The following ARPC1A variants were observed in gnomAD, a reference collection of about 807,000 sequenced individuals.
ARPC1A encodes actin related protein 2/3 complex subunit 1A.
In ARPC1A, 8 loss-of-function variants were observed where a neutral mutation model predicts 46.9. The ratio of observed to expected loss-of-function variants is 0.17; its 90% CI spans 0.10 to 0.31. ARPC1A has a LOEUF of 0.31. Ranked by LOEUF, ARPC1A falls within the 10% of genes least tolerant of loss-of-function variation. The pLI, the probability that ARPC1A is intolerant of heterozygous loss-of-function variation, is 1.00. For missense variants in ARPC1A, 286 were observed against 483.6 expected, an observed-to-expected ratio of 0.59 and a Z score of 3.83; for synonymous variants, 152 against 169.0, an observed-to-expected ratio of 0.90 and a Z score of 0.78.
At chr7:99,358,639 C>G in intron 7 of ARPC1A, 1 of 472,306 alleles carries the variant, frequency 2.1e-6, no homozygotes, top group Non-Finnish European at 3.8e-6. Context: ...CTCCCGGGTT[C>G]AAGCGATTCT....
Position 99,359,511 on chromosome 7 carries a change from G to A in ARPC1A, c.790-34G>A, listed in dbSNP as rs780543518. The A allele has an allele frequency of 2.5e-6, 4 of 1,609,678 alleles. No homozygotes were observed. In the Admixed American group the frequency reaches 5.0e-5, roughly 20 times the overall value. ...GCCAAGGAGGTGGGCGGTGGGCAGT[G>A]CATCCTCCAGGGACTGACTGAGTCT... On this transcript the variant is annotated intron_variant, in intron 7 of 9. Transcript: ENST00000262942.
intron 4 of ARPC1A, among the ~76,000 whole-genome samples, chr7:99,348,518 G>A (rs2150867823): frequency 6.6e-6 from 1 of 152,252 alleles, no homozygotes; most frequent in African/African-American, 2.4e-5. Flanking sequence ...ACCAGCCTGG[G>A]CAACATGGAG....
Position 99,344,375 on chromosome 7 carries a change from T to C in ARPC1A, c.252T>C (p.Gly84=). The change falls in exon 4 of 10, where the codon GGT becomes GGC. Residue 84 remains glycine, a synonymous_variant. Coordinates refer to ENST00000262942, the MANE Select transcript of ARPC1A (RefSeq NM_006409.4). ...RNAYVWSQKD[G]VWKPTLVILR... is the part of the protein sequence containing the mutation. Reference sequence around the variant, plus strand: ...CCTATGTCTGGAGTCAGAAAGATGGTGTTTGGAAGCCAACCCTGGTGATCC... The same window carrying C: ...CCTATGTCTGGAGTCAGAAAGATGGCGTTTGGAAGCCAACCCTGGTGATCC... The C allele has an allele frequency of 1.2e-6, 2 of 1,614,002 alleles. No individual in the cohort carries two copies. Among genetic ancestry groups the C allele is most frequent in the Non-Finnish European group, 1.7e-6 (2 of 1,179,878 alleles).
In ARPC1A at chr7:99,359,538, G is replaced by A. The variant is rs774352467; in HGVS notation, c.790-7G>A. ...ATCCTCCAGGGACTGACTGAGTCTT[G>A]TTTCAGGGCCATGACTGCTGCCCAA... On this transcript the variant is annotated splice_polypyrimidine_tract_variant and splice_region_variant and intron_variant, in intron 7 of 9. Coordinates refer to ENST00000262942, the MANE Select transcript of ARPC1A (RefSeq NM_006409.4). 2 of 1,613,358 alleles carry A rather than the reference G, an allele frequency of 1.2e-6. No homozygotes were observed. Among genetic ancestry groups the A allele is most frequent in the Non-Finnish European group, 1.7e-6 (2 of 1,179,832 alleles).
At chr7:99,364,983 C>T (rs991948047) in intron 9 of ARPC1A, among the ~76,000 whole-genome samples, 2 of 152,154 alleles carry the variant, frequency 1.3e-5, no homozygotes, top group African/African-American at 4.8e-5. Flanking sequence ...GAGCGGCATC[C>T]TGAGTTGCGA....
chr7:99,350,881 A>G (rs979189932), intron 5 of ARPC1A, among the ~76,000 whole-genome samples: 5 of 151,798 alleles, frequency 3.3e-5, no homozygotes, highest in Admixed American at 1.3e-4. Flanking sequence ...TCCTGGGCTC[A>G]AAGAATCCTT....
At chr7:99,354,194 C>G in intron 6 of ARPC1A, 73 bp downstream of exon 6, 1 of 1,526,128 alleles carries the variant, frequency 6.6e-7, no homozygotes, top group South Asian at 1.2e-5. Context: ...CCAGGACTGC[C>G]CTTCCTGGGG....
At chr7:99,343,821 ACACTAAAGATTATTTT>A (rs1793394356) in intron 3 of ARPC1A, among the ~76,000 whole-genome samples, 1 of 152,152 alleles carries the variant, frequency 6.6e-6, no homozygotes, top group Non-Finnish European at 1.5e-5. Flanking sequence ...CCCCCTCTTT[ACACTAAAGATTATTTT>A]TATTTACCCT....
intron 5 of ARPC1A, among the ~76,000 whole-genome samples, chr7:99,350,972 G>A (rs1438846422): frequency 6.6e-6 from 1 of 151,612 alleles, no homozygotes; most frequent in Non-Finnish European, 1.5e-5. Context: ...CAGTAACTGT[G>A]GAGAATTCCC....
chr7:99,329,551 A>G (rs1299588643), intron 1 of ARPC1A, among the ~76,000 whole-genome samples: 2 of 152,218 alleles, frequency 1.3e-5, no homozygotes, highest in Admixed American at 6.5e-5. Flanking sequence ...TGCTAGGTGC[A>G]TTCTAAATTT....
At chr7:99,359,856 G>A in intron 8 of ARPC1A, 118 bp downstream of exon 8, 2 of 1,185,496 alleles carry the variant, frequency 1.7e-6, no homozygotes, top group Non-Finnish European at 2.4e-6. Flanking sequence ...TTCTTTCAGG[G>A]ACAAGTGCAG....
rs1793138405 is a variant in ARPC1A at position 99,331,188 on chromosome 7, C to T, written c.-29-2137C>T. 2.0e-5 allele frequency among the ~76,000 whole-genome samples: 3 copies of T among 152,146 alleles called. No homozygotes were observed. In the South Asian group the frequency reaches 6.2e-4, roughly 31 times the overall value. ...CTTTGGGAGGCTGAGGCAGGTGGAT[C>T]ACTTGAGCCCAGTCAGAGCAGCCTG... On this transcript the variant is annotated intron_variant, in intron 1 of 9. Coordinates refer to ENST00000262942, the MANE Select transcript of ARPC1A (RefSeq NM_006409.4).
In ARPC1A at chr7:99,338,226, A is replaced by G. The variant is rs948572767; in HGVS notation, c.110A>G (p.Lys37Arg). Residue 37 changes from lysine to arginine, a missense_variant, in exon 3 of 10, where the codon AAG (lysine) becomes AGG (arginine). Coordinates refer to ENST00000262942, the MANE Select transcript of ARPC1A (RefSeq NM_006409.4). ...PNNHEVHIYK[K>R]NGSQWVKAHE... ...AATCACGAAGTGCACATCTATAAGA[A>G]GAACGGGAGCCAGTGGGTGAAAGCT... is the stretch of plus-strand genomic sequence containing the variant. 7 of 1,613,520 alleles carry G rather than the reference A, an allele frequency of 4.3e-6. No homozygotes were observed. Among genetic ancestry groups the G allele is most frequent in the Non-Finnish European group, 5.9e-6 (7 of 1,179,774 alleles).
In ARPC1A at chr7:99,363,632, A is replaced by C; in HGVS notation, c.1073A>C (p.Lys358Thr). The C allele has an allele frequency of 6.2e-7, 1 of 1,605,230 alleles. No individual in the cohort carries two copies. The highest frequency in any genetic ancestry group is 8.5e-7 in the Non-Finnish European group (1 of 1,177,366). The change falls in exon 9 of 10, where the codon AAG becomes ACG. Residue 358 changes from lysine to threonine, a missense_variant and splice_region_variant. By Grantham distance (78) the Lys-to-Thr change is moderately conservative. Coordinates refer to ENST00000262942, the MANE Select transcript of ARPC1A (RefSeq NM_006409.4). ...GGAGCCATGACAATTTGGGATTTCA[A>C]GGTATTTTCTACCTAACAGAACAAA... ...IDGAMTIWDF[K>T]TLESSIQGLR...
chr7:99,355,976 G>T (rs1182890467), intron 6 of ARPC1A, among the ~76,000 whole-genome samples: 1 of 152,168 alleles, frequency 6.6e-6, no homozygotes, highest in Admixed American at 6.6e-5. Context: ...TGGCGTGTCT[G>T]TTCAGCCATA....
At chr7:99,342,865 C>G (rs920133849) in intron 3 of ARPC1A, among the ~76,000 whole-genome samples, 2 of 151,534 alleles carry the variant, frequency 1.3e-5, no homozygotes, top group Non-Finnish European at 1.5e-5. Flanking sequence ...TGGGACTACA[C>G]GCGCCTGTCA....
At chr7:99,358,225 G>GT (rs2150873066) in intron 6 of ARPC1A, 115 bp from the exon 7 acceptor site, 1 of 968,992 alleles carries the variant, frequency 1.0e-6, no homozygotes, top group East Asian at 2.5e-5. Flanking sequence ...TTCAACATAA[G>GT]TGCCCATTGA....
chr7:99,364,375 C>T (rs1385707866), intron 9 of ARPC1A, among the ~76,000 whole-genome samples: 8 of 150,650 alleles, frequency 5.3e-5, no homozygotes, highest in African/African-American at 1.2e-4. Context: ...GGGGTTCAAG[C>T]GATTCTCCTG....
intron 3 of ARPC1A, among the ~76,000 whole-genome samples, 188 bp from the exon 4 acceptor site, chr7:99,344,105 G>A (rs987800971): frequency 1.3e-5 from 2 of 152,150 alleles, no homozygotes; most frequent in African/African-American, 2.4e-5. Context: ...AGTCCCAGAC[G>A]CTTTGCAGAG....
Sources: allele counts gnomAD v4.1 joint callset (sites outside exome capture counted in the v4.1 genomes callset), GRCh38; gene constraint gnomAD v4.1.1; transcripts MANE v1.5; gene names NCBI Gene and HGNC (gene_info 2026-07-23, HGNC 2026-07-21).